Variants in JARID2 observed in about 807,000 individuals in gnomAD.
The protein encoded by JARID2 is protein Jumonji.
In JARID2, 21 loss-of-function variants were observed where a neutral mutation model predicts 125.6. That is an observed-to-expected ratio of 0.17 (90% confidence interval 0.12 to 0.24). The LOEUF (loss-of-function observed/expected upper bound fraction) is 0.24, where lower values mean the gene tolerates loss of function less well. Among genes scored for constraint, JARID2 ranks in the 10% least tolerant of loss-of-function variants. JARID2 has a pLI of 1.00. For missense variants in JARID2, 1,303 were observed against 1,639.6 expected (o/e 0.79, Z 3.55); for synonymous variants, 736 against 661.6 (o/e 1.11, Z -1.73).
At chr6:15,463,795 C>T (rs1190971805) in intron 4 of JARID2, among the ~76,000 whole-genome samples, 7 of 152,138 alleles carry the variant, frequency 4.6e-5, no homozygotes, top group South Asian at 4.1e-4. Flanking sequence ...AATATAATTA[C>T]GTAATGCATC....
intron 1 of JARID2, among the ~76,000 whole-genome samples, chr6:15,252,466 A>G (rs1759494789): frequency 1.3e-5 from 2 of 152,300 alleles, no homozygotes; most frequent in Non-Finnish European, 2.9e-5. Context: ...GCCATGTAAC[A>G]TGTAAAGTGT....
At chr6:15,308,479 CCTTA>C (rs1175550445) in intron 1 of JARID2, among the ~76,000 whole-genome samples, 1 of 152,122 alleles carries the variant, frequency 6.6e-6, no homozygotes, top group Non-Finnish European at 1.5e-5. Flanking sequence ...TTCTTCATTC[CCTTA>C]CTTCCCTTTA....
At position 15,520,554 on chromosome 6, in the gene JARID2, ATT is replaced by A. The variant is rs373611471; in HGVS notation, c.*315_*316del. ...ACAAAAGCCTTTTTTTTTGGTTTTG[ATT>A]TTTTTTTTTTTGTAACTGTTGGGGG... On this transcript the variant is annotated 3_prime_UTR_variant, in exon 18 of 18. Transcript: ENST00000341776. 1.0e-3 allele frequency: 251 copies of A among 248,314 alleles called. No individual in the cohort carries two copies. Among genetic ancestry groups the A allele is most frequent in the South Asian group, 2.0e-3 (46 of 23,136 alleles). 15.4% of individuals were successfully genotyped at this position (248,314 alleles called of 1,614,324 possible). A position where few individuals can be genotyped will look rare whatever the true frequency, so the allele number is the denominator to read the frequency against.
intron 1 of JARID2, among the ~76,000 whole-genome samples, chr6:15,355,947 A>G (rs1364605605): frequency 1.3e-5 from 2 of 152,010 alleles, no homozygotes. Flanking sequence ...ATCACTCTCA[A>G]AGAGAAACCC....
intron 3 of JARID2, among the ~76,000 whole-genome samples, chr6:15,437,051 G>A (rs191063651): frequency 1.3e-3 from 193 of 152,236 alleles, no homozygotes; most frequent in African/African-American, 4.4e-3. Flanking sequence ...TGATTTTACG[G>A]TTTTACTGTT....
chr6:15,334,979 C>A (rs2127460455), intron 1 of JARID2, among the ~76,000 whole-genome samples: 1 of 152,268 alleles, frequency 6.6e-6, no homozygotes, highest in East Asian at 1.9e-4. Context: ...TAAACACTCA[C>A]CAGCCTTACT....
intron 7 of JARID2, among the ~76,000 whole-genome samples, chr6:15,497,679 A>G (rs1450964521): frequency 1.3e-5 from 2 of 148,460 alleles, no homozygotes; most frequent in Non-Finnish European, 3.0e-5. Flanking sequence ...TTGAGCTTGG[A>G]TCTGGGGTGA....
chr6:15,417,759 G>A (rs1311783408), intron 3 of JARID2, among the ~76,000 whole-genome samples: 2 of 151,988 alleles, frequency 1.3e-5, no homozygotes, highest in African/African-American at 2.4e-5. Flanking sequence ...AACTAAATAA[G>A]CGAATAAATA....
intron 1 of JARID2, among the ~76,000 whole-genome samples, chr6:15,332,627 C>T (rs1004639144): frequency 4.6e-5 from 7 of 152,076 alleles, no homozygotes; most frequent in Admixed American, 6.6e-5. Context: ...CTGTGGTGGG[C>T]GCTACTTGTG....
intron 5 of JARID2, among the ~76,000 whole-genome samples, chr6:15,484,778 T>C (rs551650055): frequency 3.3e-4 from 51 of 152,322 alleles, no homozygotes; most frequent in African/African-American, 8.9e-4. Flanking sequence ...CTGGTGCTTC[T>C]TTGTAGCAGG....
chr6:15,349,139 G>T (rs1763342917), intron 1 of JARID2, among the ~76,000 whole-genome samples: 1 of 152,162 alleles, frequency 6.6e-6, no homozygotes, highest in Non-Finnish European at 1.5e-5. Flanking sequence ...AGAAAAATGT[G>T]GATCCCATCT....
chr6:15,286,504 C>A (rs1761006070), intron 1 of JARID2, among the ~76,000 whole-genome samples: 1 of 151,088 alleles, frequency 6.6e-6, no homozygotes, highest in African/African-American at 2.4e-5. Context: ...CCCGCCTTGG[C>A]CTCCCAAAGT....
chr6:15,445,268 G>C (rs568405322), intron 3 of JARID2, among the ~76,000 whole-genome samples: 15 of 152,262 alleles, frequency 9.9e-5, no homozygotes, highest in African/African-American at 3.6e-4. Context: ...AAAAGTATTT[G>C]GCATAGGACT....
intron 3 of JARID2, among the ~76,000 whole-genome samples, chr6:15,424,876 C>A (rs1308768143): frequency 6.6e-6 from 1 of 152,126 alleles, no homozygotes; most frequent in African/African-American, 2.4e-5. Context: ...AACAAAACAA[C>A]AACAACAACA....
At chr6:15,510,688 G>C (rs1771235403) in intron 12 of JARID2, among the ~76,000 whole-genome samples, 1 of 152,242 alleles carries the variant, frequency 6.6e-6, no homozygotes, top group Admixed American at 6.5e-5. Flanking sequence ...GTGGGGAGCA[G>C]AGCTGGGGGC....
chr6:15,395,699 T>G (rs1292581630), intron 2 of JARID2, among the ~76,000 whole-genome samples: 3 of 151,098 alleles, frequency 2.0e-5, no homozygotes, highest in Admixed American at 6.6e-5. Flanking sequence ...CGCTCCCAGC[T>G]CTGTCACCAG....
intron 2 of JARID2, among the ~76,000 whole-genome samples, chr6:15,404,709 T>C (rs77321332): frequency 6.6e-6 from 1 of 152,228 alleles, no homozygotes; most frequent in East Asian, 1.9e-4. Flanking sequence ...GTGCATCTTT[T>C]CTACAACAAA....
intron 3 of JARID2, among the ~76,000 whole-genome samples, chr6:15,413,360 G>T (rs1159469446): frequency 1.3e-5 from 2 of 152,134 alleles, no homozygotes; most frequent in Admixed American, 1.3e-4. Context: ...TTGGTCTTTA[G>T]ACTTTGTAGG....
chr6:15,289,167 G>A (rs1032981671), intron 1 of JARID2, among the ~76,000 whole-genome samples: 17 of 152,130 alleles, frequency 1.1e-4, no homozygotes, highest in Admixed American at 3.9e-4. Flanking sequence ...CAGCAGAAGG[G>A]TAAGTCCAAG....
Sources: gnomAD v4.1 joint callset for allele counts (sites outside exome capture counted in the v4.1 genomes callset) on GRCh38, gnomAD v4.1.1 for gene constraint, MANE v1.5 for transcripts, NCBI Gene and HGNC (gene_info 2026-07-23, HGNC 2026-07-21) for gene names.